The following UBA6 variants were observed in gnomAD, a reference collection of about 807,000 sequenced individuals.
UBA6 encodes the protein ubiquitin like modifier activating enzyme 6, also known as ubiquitin-like modifier-activating enzyme 6.
Under a neutral mutation model 148.3 loss-of-function variants are expected in UBA6, and 87 were observed. The ratio of observed to expected loss-of-function variants is 0.59; its 90% CI spans 0.49 to 0.70. UBA6 has a LOEUF of 0.70. Ranked by LOEUF, UBA6 falls within the 30% of genes least tolerant of loss-of-function variation. The pLI, the probability that UBA6 is intolerant of heterozygous loss-of-function variation, is 0.00. For missense variants in UBA6, 1,186 were observed against 1,241.2 expected (o/e 0.96, Z 0.67); for synonymous variants, 376 against 401.0 (o/e 0.94, Z 0.75).
At chr4:67,669,621 A>G (rs1730092483) in intron 8 of UBA6, among the ~76,000 whole-genome samples, 1 of 152,190 alleles carries the variant, frequency 6.6e-6, no homozygotes, top group South Asian at 2.1e-4. Context: ...TTATGCAAAA[A>G]AAAATTGAGC....
At chr4:67,625,291 A>AT (rs1412209197) in intron 28 of UBA6, 104 bp from the exon 29 acceptor site, 245 of 880,926 alleles carry the variant, frequency 2.8e-4, no homozygotes, top group Non-Finnish European at 3.6e-4. Flanking sequence ...TCCTTTTTAT[A>AT]TTTTTTAATG....
intron 20 of UBA6, among the ~76,000 whole-genome samples, chr4:67,634,778 T>C (rs1047211820): frequency 6.6e-6 from 1 of 152,138 alleles, no homozygotes; most frequent in Non-Finnish European, 1.5e-5. Context: ...CATGTAGTAC[T>C]CATGACACAC....
intron 7 of UBA6, among the ~76,000 whole-genome samples, chr4:67,671,474 A>C (rs1730147044): frequency 6.6e-6 from 1 of 152,032 alleles, no homozygotes; most frequent in Non-Finnish European, 1.5e-5. Flanking sequence ...ACTGGGCAGA[A>C]ACTTAGAAGC....
intron 13 of UBA6, among the ~76,000 whole-genome samples, chr4:67,658,030 A>C (rs1729745767): frequency 6.6e-6 from 1 of 152,066 alleles, no homozygotes; most frequent in Admixed American, 6.6e-5. Context: ...GCGATCATTA[A>C]AAAGGAAACT....
chr4:67,680,091 A>G (rs2109948899), intron 4 of UBA6, among the ~76,000 whole-genome samples: 1 of 152,348 alleles, frequency 6.6e-6, no homozygotes, highest in Non-Finnish European at 1.5e-5. Flanking sequence ...GAAAACTGGT[A>G]AGTTAATGGG....
intron 1 of UBA6, among the ~76,000 whole-genome samples, chr4:67,697,036 C>T (rs530657439): frequency 6.6e-6 from 1 of 152,150 alleles, no homozygotes; most frequent in Admixed American, 6.5e-5. Flanking sequence ...ATGGGAGTCT[C>T]ACTCTGTTAC....
At chr4:67,626,325 C>T (rs1728866364) in intron 28 of UBA6, 35 bp downstream of exon 28, 1 of 1,336,648 alleles carries the variant, frequency 7.5e-7, no homozygotes, top group Non-Finnish European at 1.1e-6. Flanking sequence ...AAAACTCATC[C>T]AGTTCAAAAC....
chr4:67,671,127 A>G (rs1020050944), intron 7 of UBA6, among the ~76,000 whole-genome samples: 3 of 152,198 alleles, frequency 2.0e-5, no homozygotes, highest in Non-Finnish European at 2.9e-5. Context: ...AACAAATCAT[A>G]AATGTTTTAT....
rs766320178 is a variant in UBA6 at position 67,625,118 on chromosome 4, G to T, written c.2588C>A (p.Thr863Lys). The T allele has an allele frequency of 6.2e-7, 1 of 1,613,386 alleles. No homozygotes were observed. Among genetic ancestry groups the T allele is most frequent in the Admixed American group, 1.7e-5 (1 of 59,970 alleles). The change falls in exon 29 of 33, where the codon ACA (threonine) becomes AAA (lysine). Residue 863 changes from threonine (T) to lysine (K), a missense_variant. Coordinates refer to ENST00000322244, the MANE Select transcript of UBA6 (RefSeq NM_018227.6). ...DDHNGHIDFI[T>K]AASNLRAKMY... ...TTTGGCACGAAGATTTGATGCAGCT[G>T]TGATGAAATCTATGTGTCCATTATG...
At chr4:67,634,362 T>G in intron 21 of UBA6, 40 bp from the exon 22 acceptor site, 3 of 1,559,370 alleles carry the variant, frequency 1.9e-6, no homozygotes, top group South Asian at 2.4e-5. Context: ...CAAATAGAAG[T>G]CTGTTTAAAG....
chr4:67,644,110 T>A (rs1729366378), intron 17 of UBA6, among the ~76,000 whole-genome samples: 2 of 152,120 alleles, frequency 1.3e-5, no homozygotes, highest in Admixed American at 6.5e-5. Flanking sequence ...CACCTTGATA[T>A]ATCTATGAAA....
chr4:67,641,038 T>C (rs1337115217), intron 18 of UBA6, 113 bp downstream of exon 18: 1 of 693,700 alleles, frequency 1.4e-6, no homozygotes, highest in Non-Finnish European at 2.5e-6. Flanking sequence ...ATTGATAATT[T>C]GAAAGTTTCT....
At chr4:67,637,039 C>A (rs1211838502) in intron 19 of UBA6, among the ~76,000 whole-genome samples, 1 of 151,870 alleles carries the variant, frequency 6.6e-6, no homozygotes, top group African/African-American at 2.4e-5. Context: ...CTCTGCCCGG[C>A]CGCGACCCTG....
intron 2 of UBA6, among the ~76,000 whole-genome samples, chr4:67,687,034 G>GTT (rs71219066): frequency 0.19 from 16,014 of 82,460 alleles, 2,534 homozygotes; most frequent in Non-Finnish European, 0.24. Context: ...TTAAGACTAT[G>GTT]TTTTTTTTTT....
chr4:67,629,951 C>T (rs561987134), intron 26 of UBA6, among the ~76,000 whole-genome samples: 7 of 152,066 alleles, frequency 4.6e-5, no homozygotes, highest in East Asian at 3.9e-4. Flanking sequence ...CTCTCAAAAC[C>T]GTATGAGGCT....
chr4:67,671,285 T>C (rs1730142576), intron 7 of UBA6, among the ~76,000 whole-genome samples: 1 of 152,126 alleles, frequency 6.6e-6, no homozygotes, highest in African/African-American at 2.4e-5. Flanking sequence ...AAAATAATGT[T>C]TTTCTAACAT....
rs1318621476 is a variant in UBA6, at chr4:67,646,753, G to A, written c.1287C>T (p.Gly429=). 6.2e-7 allele frequency: 1 copy of A among 1,605,474 alleles called. No homozygotes were observed. Among genetic ancestry groups the A allele is most frequent in the Non-Finnish European group, 8.5e-7 (1 of 1,176,382 alleles). Reference sequence around the variant, plus strand: ...GGAGAAATTCTTCACATTCAGGTTTGCCTAGTGATTCAACAATATCTGCTG... The same window carrying A: ...GGAGAAATTCTTCACATTCAGGTTTACCTAGTGATTCAACAATATCTGCTG... ...LEAADIVESL[G]KPECEEFLPR... Residue 429 remains glycine, a synonymous_variant, in exon 15 of 33, where the codon GGC becomes GGT. Transcript: ENST00000322244.
At position 67,618,833 on chromosome 4, in the gene UBA6, G is replaced by T; in HGVS notation, c.*164C>A. The T allele has an allele frequency of 7.6e-6, 5 of 660,216 alleles. No homozygotes were observed. In the South Asian group the frequency reaches 1.3e-4, roughly 17 times the overall value. The allele number at this position is 660,216 out of a possible 1,614,324, so 40.9% of individuals were successfully genotyped here. On this transcript the variant is annotated 3_prime_UTR_variant, in exon 33 of 33. Transcript: ENST00000322244. ...ACAAGTGTATGCTATGCCCCAAAAT[G>T]TTTTATAATTCTTCAGTGCAGTTTC...
chr4:67,623,384 A>T (rs1728796963), intron 30 of UBA6, among the ~76,000 whole-genome samples, 162 bp from the exon 31 acceptor site: 1 of 152,186 alleles, frequency 6.6e-6, no homozygotes, highest in Admixed American at 6.5e-5. Flanking sequence ...AATATTCCAT[A>T]ATCTTATTTC....
Sources: allele counts gnomAD v4.1 joint callset (sites outside exome capture counted in the v4.1 genomes callset), GRCh38; gene constraint gnomAD v4.1.1; transcripts MANE v1.5; gene names NCBI Gene and HGNC (gene_info 2026-07-23, HGNC 2026-07-21).